The following RALGPS1 variants were observed in gnomAD, a reference collection of about 807,000 sequenced individuals.
RALGPS1 encodes the protein Ral GEF with PH domain and SH3 binding motif 1.
RALGPS1 carries 19 observed loss-of-function variants against 78.8 expected under a neutral mutation model. That is an observed-to-expected ratio of 0.24 (90% CI 0.17 to 0.35). The LOEUF (loss-of-function observed/expected upper bound fraction) is 0.35, where lower values mean the gene tolerates loss of function less well. Ranked by LOEUF, RALGPS1 falls within the 10% of genes least tolerant of loss-of-function variation. RALGPS1 has a pLI of 1.00. For missense variants in RALGPS1, 454 were observed against 688.3 expected (o/e 0.66, Z 3.81); for synonymous variants, 228 against 256.3 (o/e 0.89, Z 1.06).
intron 14 of RALGPS1, among the ~76,000 whole-genome samples, chr9:127,200,564 A>T (rs531560121): frequency 6.6e-6 from 1 of 152,388 alleles, no homozygotes; most frequent in East Asian, 1.9e-4. Flanking sequence ...TTGGTCAGTC[A>T]GTCTGTCTGC....
At chr9:127,063,752 C>T (rs930745608) in intron 7 of RALGPS1, among the ~76,000 whole-genome samples, 10 of 152,114 alleles carry the variant, frequency 6.6e-5, no homozygotes, top group Non-Finnish European at 1.3e-4. Context: ...TCCTAATGTG[C>T]TTTTGGCCTC....
chr9:127,090,201 AC>A (rs1397694155), intron 8 of RALGPS1, among the ~76,000 whole-genome samples: 1 of 152,194 alleles, frequency 6.6e-6, no homozygotes, highest in Non-Finnish European at 1.5e-5. Context: ...CGGAGGTCCC[AC>A]ACACCTCCAG....
chr9:127,083,464 C>T (rs2051380163), intron 8 of RALGPS1, among the ~76,000 whole-genome samples: 1 of 152,176 alleles, frequency 6.6e-6, no homozygotes, highest in Non-Finnish European at 1.5e-5. Flanking sequence ...GAGAAAGAGA[C>T]CCTGCAGGAA....
chr9:127,046,270 C>T (rs577268210), intron 5 of RALGPS1, among the ~76,000 whole-genome samples: 24 of 152,286 alleles, frequency 1.6e-4, no homozygotes, highest in African/African-American at 5.8e-4. Context: ...TAGAATGTAA[C>T]TTCCCACTTG....
chr9:127,222,296 A>T lies in RALGPS1; in HGVS notation c.*3527A>T, dbSNP rs997242670. 6.6e-6 allele frequency: 1 copy of T among 152,236 alleles called. No individual in the cohort carries two copies. The highest frequency in any genetic ancestry group is 1.5e-5 in the Non-Finnish European group (1 of 68,048). The allele number at this position is 152,236 out of a possible 1,614,324, so 9.4% of individuals were successfully genotyped here. On this transcript the variant is annotated 3_prime_UTR_variant, in exon 19 of 19. Coordinates refer to ENST00000259351, the MANE Select transcript of RALGPS1 (RefSeq NM_014636.3). ...GGCATCAAAAGGCTCAACAGACTGA[A>T]TGGCCTCTTGGTCTGCGAAAATTCA...
At chr9:127,143,302 C>G (rs963920782) in intron 8 of RALGPS1, among the ~76,000 whole-genome samples, 2 of 152,216 alleles carry the variant, frequency 1.3e-5, no homozygotes, top group Non-Finnish European at 2.9e-5. Flanking sequence ...GTTGAACCAG[C>G]TCACCCTGCT....
chr9:126,959,509 C>T (rs753523370), intron 1 of RALGPS1, among the ~76,000 whole-genome samples: 6 of 152,190 alleles, frequency 3.9e-5, no homozygotes, highest in Middle Eastern at 3.4e-3. Context: ...CTTCTCAGCC[C>T]GTCTCCTCTC....
intron 4 of RALGPS1, among the ~76,000 whole-genome samples, chr9:126,978,918 G>T (rs953833455): frequency 2.0e-5 from 3 of 152,186 alleles, no homozygotes; most frequent in Non-Finnish European, 2.9e-5. Flanking sequence ...AAGGCCAAGA[G>T]TATGTGGTCA....
chr9:126,924,954 C>T (rs558598244), intron 1 of RALGPS1, among the ~76,000 whole-genome samples: 30 of 152,068 alleles, frequency 2.0e-4, no homozygotes, highest in African/African-American at 6.0e-4. Flanking sequence ...GGAGAAACCC[C>T]GTCTCTACTA....
At position 127,091,890 on chromosome 9, in the gene RALGPS1, A is replaced by G. The variant is rs2052523613; in HGVS notation, c.610+22534A>G. 1 of 1,614,142 alleles carries G rather than the reference A, an allele frequency of 6.2e-7. No individual in the cohort carries two copies. The highest frequency in any genetic ancestry group is 8.5e-7 in the Non-Finnish European group (1 of 1,180,028). ...AGTTGCCTTGGTTCGTCAGCCAGTAAATGTTCTCCAGGCCCAGCCAGTATT... is the reference window on the plus strand; with the variant it reads ...AGTTGCCTTGGTTCGTCAGCCAGTAGATGTTCTCCAGGCCCAGCCAGTATT... On this transcript the variant is annotated intron_variant, in intron 8 of 18. Coordinates refer to ENST00000259351, the MANE Select transcript of RALGPS1 (RefSeq NM_014636.3). The surrounding 1 kb of genome is among the most constrained non-coding windows in gnomAD (Gnocchi z 4.3).
At chr9:127,076,174 T>C (rs529381054) in intron 8 of RALGPS1, among the ~76,000 whole-genome samples, 2 of 152,238 alleles carry the variant, frequency 1.3e-5, no homozygotes, top group Non-Finnish European at 2.9e-5. Context: ...CCCGGTTAGA[T>C]TGGAATGATA....
chr9:127,184,728 G>A (rs1479190739), intron 11 of RALGPS1, among the ~76,000 whole-genome samples: 2 of 152,334 alleles, frequency 1.3e-5, no homozygotes, highest in Non-Finnish European at 1.5e-5. Context: ...GTGAGAAAAC[G>A]CAGGCTCCAA....
chr9:127,173,830 C>T (rs1055598385), intron 10 of RALGPS1, among the ~76,000 whole-genome samples: 2 of 152,156 alleles, frequency 1.3e-5, no homozygotes, highest in African/African-American at 2.4e-5. Context: ...CTGGGCAACA[C>T]GGTGAAACCC....
chr9:127,171,965 G>C (rs1311739432), intron 10 of RALGPS1, among the ~76,000 whole-genome samples: 1 of 152,102 alleles, frequency 6.6e-6, no homozygotes, highest in Non-Finnish European at 1.5e-5. Flanking sequence ...CATAGTCCAA[G>C]TCTATAACAT....
chr9:127,190,756 A>G lies in RALGPS1; in HGVS notation c.911-4335A>G, dbSNP rs1588464408. ...ATATATGCAGGAGTTTCTCTAGAGT[A>G]AAAACCTCAATTAGAATCACCAGGT... On this transcript the variant is annotated intron_variant, in intron 11 of 18. Transcript: ENST00000259351. Among the ~76,000 whole-genome samples, 5 of 152,304 alleles carry G rather than the reference A, an allele frequency of 3.3e-5. 1 individual carries two copies. The highest frequency in any genetic ancestry group is 3.3e-4 in the Admixed American group (5 of 15,302).
chr9:127,073,296 C>T (rs1274908287), intron 8 of RALGPS1, among the ~76,000 whole-genome samples: 1 of 152,152 alleles, frequency 6.6e-6, no homozygotes, highest in African/African-American at 2.4e-5. Flanking sequence ...TCCATAAGAT[C>T]AGCTTTTTTA....
At chr9:127,184,060 T>C (rs752634881) in intron 11 of RALGPS1, 1 of 1,544,484 alleles carries the variant, frequency 6.5e-7, no homozygotes, top group South Asian at 1.2e-5. Flanking sequence ...GTGCAGTGGC[T>C]CTCACCTGTA....
intron 8 of RALGPS1, chr9:127,087,416 A>C (rs1379552198): frequency 6.6e-6 from 1 of 152,602 alleles, no homozygotes; most frequent in Non-Finnish European, 1.5e-5. Flanking sequence ...TTTTTAAAAA[A>C]ACCCTCCCTT....
chr9:126,973,010 C>T (rs889979521), intron 3 of RALGPS1, among the ~76,000 whole-genome samples: 11 of 151,120 alleles, frequency 7.3e-5, no homozygotes, highest in South Asian at 6.3e-4. Context: ...TGCAGTGAGC[C>T]GAGATTGCGC....
Sources: allele counts gnomAD v4.1 joint callset (sites outside exome capture counted in the v4.1 genomes callset), GRCh38; gene constraint gnomAD v4.1.1; non-coding constraint Gnocchi (gnomAD v3.1); transcripts MANE v1.5; gene names NCBI Gene and HGNC (gene_info 2026-07-23, HGNC 2026-07-21).